The following MRPL39 variants were observed in gnomAD, a reference collection of about 807,000 sequenced individuals.
MRPL39 encodes mitochondrial ribosomal protein L39, also known as large ribosomal subunit protein mL39.
In MRPL39, 35 loss-of-function variants were observed where a neutral mutation model predicts 44.5. That is an observed-to-expected ratio of 0.79 (90% CI 0.60 to 1.04). The LOEUF is 1.04. Ranked by LOEUF, MRPL39 falls within the 50% of genes least tolerant of loss-of-function variation. The pLI, the probability that MRPL39 is intolerant of heterozygous loss-of-function variation, is 0.00. For synonymous variants in MRPL39, 139 were observed against 136.1 expected, an observed-to-expected ratio of 1.02 and a Z score of -0.15; for missense variants, 433 against 413.5, an observed-to-expected ratio of 1.05 and a Z score of -0.41.
Position 25,592,942 on chromosome 21 carries a change from C to T in MRPL39, c.791G>A (p.Ser264Asn), listed in dbSNP as rs1366736969. ...LHRIGDFIDVSEGPLIPRTSI... is the reference protein window; with the variant it reads ...LHRIGDFIDVNEGPLIPRTSI... The stretch of plus-strand genomic sequence containing the variant: ...TGTTCTTGGAATAAGAGGGCCCTCA[C>T]TCACATCAATGAAGTCACCTATTCT... Residue 264 changes from serine to asparagine, a missense_variant, in exon 8 of 10, where the codon AGT (serine) becomes AAT (asparagine). Ser to Asn is a conservative substitution (Grantham distance 46). Transcript: ENST00000352957. 2 of 1,612,594 alleles carry T rather than the reference C, an allele frequency of 1.2e-6. No individual in the cohort carries two copies. The highest frequency in any genetic ancestry group is 1.7e-6 in the Non-Finnish European group (2 of 1,179,258).
At chr21:25,593,678 T>C (rs866439291) in intron 7 of MRPL39, among the ~76,000 whole-genome samples, 1 of 152,154 alleles carries the variant, frequency 6.6e-6, no homozygotes, top group Non-Finnish European at 1.5e-5. Context: ...TAGCAAACAA[T>C]AAAATGAGGA....
At chr21:25,597,140 A>T (rs1186890359) in intron 6 of MRPL39, among the ~76,000 whole-genome samples, 162 bp downstream of exon 6, 1 of 152,228 alleles carries the variant, frequency 6.6e-6, no homozygotes. Flanking sequence ...GACATGGGTA[A>T]CATTTTCCTC....
intron 9 of MRPL39, among the ~76,000 whole-genome samples, chr21:25,586,895 A>ATAAGTC (rs2031015525): frequency 6.6e-6 from 1 of 152,168 alleles, no homozygotes. Context: ...CTGTCTGCTT[A>ATAAGTC]TAAGTCTAAT....
At chr21:25,599,010 G>C (rs1163146737) in intron 5 of MRPL39, among the ~76,000 whole-genome samples, 1 of 152,140 alleles carries the variant, frequency 6.6e-6, no homozygotes, top group Non-Finnish European at 1.5e-5. Flanking sequence ...CAGATCTCCA[G>C]ACTCCCAATA....
intron 2 of MRPL39, among the ~76,000 whole-genome samples, chr21:25,604,492 TA>T: frequency 6.6e-6 from 1 of 152,166 alleles, no homozygotes; most frequent in Non-Finnish European, 1.5e-5. Flanking sequence ...AATACACACC[TA>T]CAAAAATCAG....
chr21:25,601,480 T>C lies in MRPL39; in HGVS notation c.421-13A>G. ...AACGCCAATATGCCTAGAAAAAAAA[T>C]ATACATATATAAAATATATATAAAC... is the stretch of plus-strand genomic sequence containing the variant. On this transcript the variant is annotated splice_polypyrimidine_tract_variant and intron_variant, in intron 3 of 9. Coordinates refer to ENST00000352957, the MANE Select transcript of MRPL39 (RefSeq NM_017446.4). The C allele has an allele frequency of 6.7e-7, 1 of 1,483,706 alleles. No homozygotes were observed. The highest frequency in any genetic ancestry group is 1.3e-5 in the South Asian group (1 of 78,884). The allele number at this position is 1,483,706 out of a possible 1,614,324, so 91.9% of individuals were successfully genotyped here. A position where few individuals can be genotyped will look rare whatever the true frequency, so the allele number is the denominator to read the frequency against.
At position 25,603,810 on chromosome 21, in the gene MRPL39, C is replaced by T. The variant is rs762658061; in HGVS notation, c.406G>A (p.Gly136Arg). ...GATAGAAATACCTTATTCACTTCTCCTGGATCACAATCTTTGAAAGTAAGA... is the reference window on the plus strand; with the variant it reads ...GATAGAAATACCTTATTCACTTCTCTTGGATCACAATCTTTGAAAGTAAGA... ...KFLTFKDCDP[G>R]EVNKAYWRSC... Residue 136 changes from glycine (G) to arginine (R), a missense_variant, in exon 3 of 10, where the codon GGA becomes AGA. By Grantham distance (125) the Gly-to-Arg change is moderately radical (BLOSUM62 -2). Coordinates refer to ENST00000352957, the MANE Select transcript of MRPL39 (RefSeq NM_017446.4). 1.9e-5 allele frequency: 31 copies of T among 1,610,350 alleles called. No homozygotes were observed. The highest frequency in any genetic ancestry group is 2.6e-5 in the Non-Finnish European group (31 of 1,178,414).
At chr21:25,585,780 T>A in intron 9 of MRPL39, 26 bp from the exon 10 acceptor site, 1 of 1,543,952 alleles carries the variant, frequency 6.5e-7, no homozygotes, top group Non-Finnish European at 8.9e-7. Context: ...TAGCTTTACT[T>A]TCCTAATAAA....
intron 9 of MRPL39, chr21:25,587,842 TG>T: frequency 7.6e-7 from 1 of 1,321,196 alleles, no homozygotes; most frequent in Non-Finnish European, 1.1e-6. Flanking sequence ...ATAAGTTTAA[TG>T]TGTGATGCTT....
At chr21:25,599,700 TCTC>T in intron 5 of MRPL39, 96 bp downstream of exon 5, 1 of 946,666 alleles carries the variant, frequency 1.1e-6, no homozygotes, top group Non-Finnish European at 1.7e-6. Flanking sequence ...TTTTAAATGT[TCTC>T]AACATGCAGT....
rs1309000914 is a variant in MRPL39 at position 25,593,905 on chromosome 21, A to C, written c.755T>G (p.Val252Gly). 1.2e-6 allele frequency: 2 copies of C among 1,613,622 alleles called. No individual in the cohort carries two copies. Among genetic ancestry groups the C allele is most frequent in the African/African-American group, 2.7e-5 (2 of 75,040 alleles). Residue 252 changes from valine to glycine, a missense_variant, in exon 7 of 10, where the codon GTC becomes GGC. Val to Gly is a moderately radical substitution (Grantham distance 109). Coordinates refer to ENST00000352957, the MANE Select transcript of MRPL39 (RefSeq NM_017446.4). ...EKASQNPERI[V>G]KLHRIGDFID... ...GACTTTTACTTACCTGTGTAGCTTG[A>C]CTATTCTCTCAGGGTTCTGAGATGC...
intron 9 of MRPL39, chr21:25,587,647 G>T: frequency 8.0e-7 from 1 of 1,247,282 alleles, no homozygotes; most frequent in Non-Finnish European, 1.2e-6. Context: ...AATAGTATGT[G>T]GACATATACA....
intron 8 of MRPL39, among the ~76,000 whole-genome samples, chr21:25,591,079 C>CAAAAA (rs55796940): frequency 2.3e-5 from 3 of 129,150 alleles, no homozygotes; most frequent in African/African-American, 8.9e-5. Flanking sequence ...CTATAGCCCA[C>CAAAAA]AAAAAAAAAA....
At chr21:25,602,193 C>A (rs986017328) in intron 3 of MRPL39, among the ~76,000 whole-genome samples, 1 of 152,206 alleles carries the variant, frequency 6.6e-6, no homozygotes, top group Non-Finnish European at 1.5e-5. Context: ...AAAATAAGTA[C>A]AGACCCAGGC....
intron 3 of MRPL39, 64 bp from the exon 4 acceptor site, chr21:25,601,531 CA>C: frequency 9.1e-7 from 1 of 1,102,968 alleles, no homozygotes; most frequent in East Asian, 2.9e-5. Context: ...AAAGTTTTGA[CA>C]ATATTAAATT....
At position 25,593,873 on chromosome 21, in the gene MRPL39, G is replaced by A. The variant is rs761072094; in HGVS notation, c.767+20C>T. On this transcript the variant is annotated intron_variant, in intron 7 of 9. Transcript: ENST00000352957. ...AAGCCTTACTCTAACATAGCAGCCA[G>A]TTTTTAGACTTTTACTTACCTGTGT... is the stretch of plus-strand genomic sequence containing the variant. 5.0e-5 allele frequency: 80 copies of A among 1,606,534 alleles called. No individual in the cohort carries two copies. Among genetic ancestry groups the A allele is most frequent in the Non-Finnish European group, 6.2e-5 (73 of 1,174,720 alleles).
At position 25,592,860 on chromosome 21, in the gene MRPL39, T is replaced by C. The variant is rs10576; in HGVS notation, c.873A>G (p.Pro291=). 1.5e-3 allele frequency: 2,455 copies of C among 1,613,050 alleles called. 34 individuals carry two copies. The African/African-American group carries it at 0.028, about 19-fold the overall frequency. The part of the protein sequence containing the change: ...SAVHNLQPTQ[P]SLIRRFQGVS... ...CGCCCTGGAATCTTCGTATGAGACT[T>C]GGCTGGGTGGGTTGAAGATTGTGAA... The change falls in exon 8 of 10, where the codon CCA becomes CCG. Residue 291 remains proline (P), a synonymous_variant. Transcript: ENST00000352957.
intron 6 of MRPL39, among the ~76,000 whole-genome samples, chr21:25,596,394 A>G (rs1422327614): frequency 2.6e-5 from 4 of 152,212 alleles, no homozygotes; most frequent in Non-Finnish European, 5.9e-5. Context: ...CACCGCGCCC[A>G]GCCGAGTAAA....
chr21:25,601,297 A>T, intron 4 of MRPL39, 71 bp downstream of exon 4: 2 of 918,154 alleles, frequency 2.2e-6, no homozygotes, highest in Non-Finnish European at 3.3e-6. Flanking sequence ...TTAGTACTAA[A>T]CTCTATACGT....
Sources: allele counts gnomAD v4.1 joint callset (sites outside exome capture counted in the v4.1 genomes callset), GRCh38; gene constraint gnomAD v4.1.1; transcripts MANE v1.5; gene names NCBI Gene and HGNC (gene_info 2026-07-23, HGNC 2026-07-21).